CEP83: variants seen among roughly 807,000 people sequenced by gnomAD.
CEP83 encodes the protein centrosomal protein of 83 kDa.
Under a neutral mutation model 101.9 loss-of-function variants are expected in CEP83, and 70 were observed. That is an observed-to-expected ratio of 0.69 (90% CI 0.57 to 0.84). CEP83 has a LOEUF of 0.84. CEP83 is among the 40% of genes least tolerant of loss of function. The pLI, the probability that CEP83 is intolerant of heterozygous loss-of-function variation, is 0.00. For synonymous variants in CEP83, 264 were observed against 267.9 expected (o/e 0.99, Z 0.14); for missense variants, 715 against 787.2 (o/e 0.91, Z 1.10).
chr12:94,311,796 T>A lies in CEP83; in HGVS notation c.1811+1118A>T, dbSNP rs188642757. 2.3e-3 allele frequency among the ~76,000 whole-genome samples: 343 copies of A among 152,290 alleles called. 1 individual carries two copies. The highest frequency in any genetic ancestry group is 7.6e-3 in the African/African-American group (314 of 41,558). On this transcript the variant is annotated intron_variant, in intron 15 of 16. Transcript: ENST00000397809. ...TCTTTTTGGACACGACATCCAGTAA[T>A]CAAATATAATTTCAAAATCACTCAA...
At chr12:94,424,360 G>T in intron 2 of CEP83, 1 of 1,614,022 alleles carries the variant, frequency 6.2e-7, no homozygotes, top group South Asian at 1.1e-5. Flanking sequence ...GTACTCCAGG[G>T]GGTGTCTTAA....
intron 2 of CEP83, among the ~76,000 whole-genome samples, chr12:94,432,653 A>G (rs2065725618): frequency 6.6e-6 from 1 of 152,186 alleles, no homozygotes; most frequent in African/African-American, 2.4e-5. Flanking sequence ...CCAGTTAGAT[A>G]GACAATACAA....
the CEP83 span, among the ~76,000 whole-genome samples, chr12:94,276,752 A>G: frequency 0.027 from 4,161 of 152,248 alleles, 189 homozygotes; most frequent in African/African-American, 0.095. Flanking sequence ...TCTGCCCACC[A>G]GCTCCCTGCC....
intron 11 of CEP83, among the ~76,000 whole-genome samples, chr12:94,357,365 A>C (rs2060527118): frequency 2.0e-5 from 3 of 152,180 alleles, no homozygotes; most frequent in Admixed American, 2.0e-4. Flanking sequence ...AGAATGTAGA[A>C]AAAATCAGCG....
intron 14 of CEP83, among the ~76,000 whole-genome samples, chr12:94,328,775 T>C (rs917534729): frequency 6.6e-5 from 10 of 152,224 alleles, no homozygotes; most frequent in Middle Eastern, 3.4e-3. Context: ...TCAAGGAAAG[T>C]AGGAAATTAA....
At chr12:94,367,073 G>A (rs534581571) in intron 11 of CEP83, among the ~76,000 whole-genome samples, 47 of 152,166 alleles carry the variant, frequency 3.1e-4, no homozygotes, top group African/African-American at 1.1e-3. Context: ...AATGAGGAAG[G>A]ATCATAGAAA....
chr12:94,377,436 C>T (rs1029988618), intron 7 of CEP83, among the ~76,000 whole-genome samples: 8 of 152,056 alleles, frequency 5.3e-5, no homozygotes, highest in African/African-American at 1.7e-4. Context: ...ATCGGACAGT[C>T]AAAAAATAGT....
intron 15 of CEP83, among the ~76,000 whole-genome samples, chr12:94,311,211 T>A (rs1969814041): frequency 6.6e-6 from 1 of 152,198 alleles, no homozygotes; most frequent in African/African-American, 2.4e-5. Flanking sequence ...CAGGGAGGCA[T>A]GCCCAGAGAG....
rs150761769 is a variant in CEP83, at chr12:94,397,828, C to A, written c.549+3022G>T. The stretch of plus-strand genomic sequence containing the variant: ...TTTCCACAAATTTTTACATGCAATT[C>A]CTTTAAGTCTATCATAATTATGGAT... On this transcript the variant is annotated intron_variant, in intron 6 of 16. Transcript: ENST00000397809. Among the ~76,000 whole-genome samples, 13 of 152,264 alleles carry A rather than the reference C, an allele frequency of 8.5e-5. No homozygotes were observed. In the East Asian group the frequency reaches 2.5e-3, roughly 29 times the overall value.
chr12:94,293,415 G>A, the CEP83 span, among the ~76,000 whole-genome samples: 1 of 152,194 alleles, frequency 6.6e-6, no homozygotes, highest in Admixed American at 6.5e-5. Flanking sequence ...TAGTGTCATA[G>A]TCAGTTCGGG....
At chr12:94,458,631 G>A (rs1275088639) in intron 1 of CEP83, among the ~76,000 whole-genome samples, 6 of 152,082 alleles carry the variant, frequency 3.9e-5, no homozygotes, top group East Asian at 1.9e-4. Context: ...CCAGCTACTC[G>A]GGAGGCTGAG....
chr12:94,413,043 AG>A (rs2064008177), intron 2 of CEP83, among the ~76,000 whole-genome samples: 1 of 151,854 alleles, frequency 6.6e-6, no homozygotes, highest in Non-Finnish European at 1.5e-5. Context: ...TAGTAGAGAC[AG>A]GGTTTCACCA....
At chr12:94,385,197 A>C (rs1382318829) in intron 6 of CEP83, among the ~76,000 whole-genome samples, 1 of 152,146 alleles carries the variant, frequency 6.6e-6, no homozygotes, top group African/African-American at 2.4e-5. Context: ...GTTCCCCATT[A>C]GGCCTCAACT....
chr12:94,288,023 C>T, the CEP83 span, among the ~76,000 whole-genome samples: 1 of 152,204 alleles, frequency 6.6e-6, no homozygotes, highest in African/African-American at 2.4e-5. Context: ...AATAACCACT[C>T]TAGAGACTGT....
intron 11 of CEP83, among the ~76,000 whole-genome samples, chr12:94,365,825 A>G (rs894422048): frequency 5.3e-5 from 8 of 151,918 alleles, no homozygotes; most frequent in Non-Finnish European, 8.8e-5. Flanking sequence ...ATAGGAGACT[A>G]TTTCACTAAA....
chr12:94,335,123 AT>A (rs1412600700), intron 12 of CEP83, among the ~76,000 whole-genome samples: 1 of 152,122 alleles, frequency 6.6e-6, no homozygotes, highest in East Asian at 1.9e-4. Flanking sequence ...CTTTATACAA[AT>A]CTTTCCTGAA....
chr12:94,421,204 AT>A (rs997064250), intron 2 of CEP83, among the ~76,000 whole-genome samples: 1 of 151,718 alleles, frequency 6.6e-6, no homozygotes, highest in Non-Finnish European at 1.5e-5. Flanking sequence ...GGCTTTTTAA[AT>A]TTTTTTTATT....
chr12:94,328,268 T>C (rs1476457985), intron 14 of CEP83: 2 of 374,102 alleles, frequency 5.3e-6, no homozygotes, highest in East Asian at 9.9e-5. Flanking sequence ...TCTGTATGTA[T>C]CAGTCACAGA....
chr12:94,395,194 G>A (rs1326235196), intron 6 of CEP83, among the ~76,000 whole-genome samples: 3 of 151,830 alleles, frequency 2.0e-5, no homozygotes, highest in Non-Finnish European at 2.9e-5. Context: ...AGGGGGTGGG[G>A]GCCTGGGGGA....
Sources: allele counts gnomAD v4.1 joint callset (sites outside exome capture counted in the v4.1 genomes callset), GRCh38; gene constraint gnomAD v4.1.1; transcripts MANE v1.5; gene names NCBI Gene and HGNC (gene_info 2026-07-23, HGNC 2026-07-21).